The following MACROD2 variants were observed in gnomAD, a reference collection of about 807,000 sequenced individuals.
MACROD2 encodes mono-ADP ribosylhydrolase 2, also known as ADP-ribose glycohydrolase MACROD2.
A neutral mutation model predicts 70.4 loss-of-function variants in MACROD2; 36 were observed. The ratio of observed to expected loss-of-function variants is 0.51; its 90% confidence interval spans 0.39 to 0.68. MACROD2 has a LOEUF of 0.68. Among genes scored for constraint, MACROD2 ranks in the 30% least tolerant of loss-of-function variants. The pLI, the probability that MACROD2 is intolerant of heterozygous loss-of-function variation, is 0.00. For missense variants in MACROD2, 496 were observed against 538.4 expected, an observed-to-expected ratio of 0.92 and a Z score of 0.78; for synonymous variants, 172 against 178.8, an observed-to-expected ratio of 0.96 and a Z score of 0.30.
chr20:14,036,270 A>G (rs1018715640), intron 2 of MACROD2, among the ~76,000 whole-genome samples: 1 of 152,246 alleles, frequency 6.6e-6, no homozygotes, highest in Non-Finnish European at 1.5e-5. Context: ...ACTGAAACTA[A>G]CATTTTAGTA....
intron 3 of MACROD2, among the ~76,000 whole-genome samples, chr20:14,478,356 T>C (rs1945552889): frequency 6.6e-6 from 1 of 152,186 alleles, no homozygotes; most frequent in Non-Finnish European, 1.5e-5. Context: ...GCAGCTGTTT[T>C]CTGCTGAGGT....
chr20:15,039,985 C>T (rs6079638), intron 5 of MACROD2, among the ~76,000 whole-genome samples: 27,192 of 152,032 alleles, frequency 0.18, 2,946 homozygotes, highest in East Asian at 0.33. Context: ...CGTTCAATTA[C>T]TTAGTGGCAT....
chr20:15,716,942 CTA>C (rs1465354327), intron 8 of MACROD2, among the ~76,000 whole-genome samples: 1 of 152,196 alleles, frequency 6.6e-6, no homozygotes, highest in Non-Finnish European at 1.5e-5. Context: ...CCTGCTCACA[CTA>C]TTTTCTTGTG....
At chr20:14,711,292 A>T (rs1434924654) in intron 5 of MACROD2, among the ~76,000 whole-genome samples, 2 of 152,152 alleles carry the variant, frequency 1.3e-5, no homozygotes, top group Non-Finnish European at 2.9e-5. Context: ...GCTTTTTCAT[A>T]TTCAAGGAAA....
intron 3 of MACROD2, among the ~76,000 whole-genome samples, chr20:14,485,429 T>C (rs192342113): frequency 0.014 from 2,110 of 152,220 alleles, 24 homozygotes; most frequent in African/African-American, 0.04. Context: ...AGGCCAGGCG[T>C]GGTGGCTCAC....
intron 10 of MACROD2, among the ~76,000 whole-genome samples, chr20:15,903,606 T>G (rs1474998842): frequency 6.6e-6 from 1 of 152,154 alleles, no homozygotes; most frequent in African/African-American, 2.4e-5. Flanking sequence ...AATCTTCACG[T>G]CCAATAATCT....
chr20:15,993,233 AGT>A (rs11468964), intron 15 of MACROD2, among the ~76,000 whole-genome samples: 15,758 of 143,862 alleles, frequency 0.11, 811 homozygotes, highest in East Asian at 0.21. Context: ...GAATTTGAAG[AGT>A]GTGTGTGTGT....
chr20:14,553,367 A>G (rs1352069211), intron 4 of MACROD2, among the ~76,000 whole-genome samples: 1 of 150,700 alleles, frequency 6.6e-6, no homozygotes, highest in Non-Finnish European at 1.5e-5. Flanking sequence ...TTCTTCTGGA[A>G]TACCTCCTAA....
intron 8 of MACROD2, among the ~76,000 whole-genome samples, chr20:15,650,259 C>CTGAA: frequency 6.6e-6 from 1 of 152,280 alleles, no homozygotes; most frequent in Middle Eastern, 3.4e-3. Flanking sequence ...CATGAGAAAG[C>CTGAA]TGAACGTCAA....
intron 8 of MACROD2, among the ~76,000 whole-genome samples, chr20:15,787,393 A>G (rs1368962522): frequency 1.3e-5 from 2 of 152,200 alleles, no homozygotes; most frequent in East Asian, 3.9e-4. Context: ...GGTTTGGGGT[A>G]CAATGAATCC....
intron 4 of MACROD2, among the ~76,000 whole-genome samples, chr20:14,536,712 T>C (rs1362479561): frequency 6.6e-6 from 1 of 151,878 alleles, no homozygotes; most frequent in African/African-American, 2.4e-5. Context: ...TTAAGTCACA[T>C]TTTTTATATT....
chr20:15,411,120 GTTAA>G, intron 6 of MACROD2, among the ~76,000 whole-genome samples: 1 of 144,382 alleles, frequency 6.9e-6, no homozygotes, highest in South Asian at 2.3e-4. Context: ...AATATTACAT[GTTAA>G]TTAATTGCCA....
At chr20:14,100,788 TA>T (rs892992029) in intron 3 of MACROD2, among the ~76,000 whole-genome samples, 53 of 137,382 alleles carry the variant, frequency 3.9e-4, no homozygotes, top group African/African-American at 1.4e-3. Context: ...TATTACATAT[TA>T]TATATTATAT....
intron 15 of MACROD2, among the ~76,000 whole-genome samples, chr20:16,018,651 A>G (rs1383782883): frequency 6.6e-6 from 1 of 152,208 alleles, no homozygotes. Flanking sequence ...CCCTAATATT[A>G]CATCTGGATT....
chr20:14,695,364 C>T (rs778574071), intron 5 of MACROD2, among the ~76,000 whole-genome samples: 8 of 152,170 alleles, frequency 5.3e-5, no homozygotes, highest in Admixed American at 2.0e-4. Flanking sequence ...TATAAGGACA[C>T]TTGTCACTGG....
intron 4 of MACROD2, among the ~76,000 whole-genome samples, chr20:14,530,092 T>C (rs538788277): frequency 7.9e-5 from 12 of 152,162 alleles, no homozygotes; most frequent in Non-Finnish European, 1.6e-4. Flanking sequence ...CAGAATTACA[T>C]GCAGAGTTAT....
chr20:15,575,548 G>T (rs1446195378), intron 8 of MACROD2, among the ~76,000 whole-genome samples: 1 of 152,186 alleles, frequency 6.6e-6, no homozygotes, highest in Admixed American at 6.5e-5. Flanking sequence ...CTTAGTTCTG[G>T]TTGGAGTGGT....
chr20:15,771,593 A>C (rs530118830), intron 8 of MACROD2, among the ~76,000 whole-genome samples: 1 of 152,172 alleles, frequency 6.6e-6, no homozygotes, highest in African/African-American at 2.4e-5. Context: ...GTCTGTATAC[A>C]TATGGAAAAT....
intron 3 of MACROD2, among the ~76,000 whole-genome samples, chr20:14,238,071 G>T (rs1209960000): frequency 6.6e-6 from 1 of 152,112 alleles, no homozygotes; most frequent in East Asian, 1.9e-4. Context: ...GTAATGGGAT[G>T]GCTGGGTCAA....
Sources: allele counts gnomAD v4.1 joint callset (sites outside exome capture counted in the v4.1 genomes callset), GRCh38; gene constraint gnomAD v4.1.1; transcripts MANE v1.5; gene names NCBI Gene and HGNC (gene_info 2026-07-23, HGNC 2026-07-21).